Variants in FERMT2 observed in about 807,000 individuals in gnomAD.
FERMT2 encodes the protein fermitin family homolog 2.
FERMT2 carries 15 observed loss-of-function variants against 82.7 expected under a neutral mutation model. The observed-to-expected ratio is 0.18, with a 90% CI of 0.12 to 0.28. The LOEUF is 0.28. Ranked by LOEUF, FERMT2 falls within the 10% of genes least tolerant of loss-of-function variation. The pLI is 1.00. For synonymous variants in FERMT2, 274 were observed against 271.5 expected (o/e 1.01, Z -0.09); for missense variants, 645 against 809.4 (o/e 0.80, Z 2.46).
chr14:52,933,911 T>C (rs17125944), intron 2 of FERMT2, among the ~76,000 whole-genome samples: 13,339 of 152,008 alleles, frequency 0.088, 677 homozygotes, highest in East Asian at 0.21. Flanking sequence ...GTTTCAGATC[T>C]CCTTGATAGG....
At chr14:52,895,370 A>AT (rs1456815681) in intron 3 of FERMT2, among the ~76,000 whole-genome samples, 3 of 152,236 alleles carry the variant, frequency 2.0e-5, no homozygotes, top group African/African-American at 7.2e-5. Flanking sequence ...ACCCAAGAAG[A>AT]TGAAAAGCAC....
chr14:52,922,704 T>C (rs545884982), intron 2 of FERMT2, among the ~76,000 whole-genome samples: 2 of 152,318 alleles, frequency 1.3e-5, no homozygotes, highest in Admixed American at 1.3e-4. Context: ...ATGTGAGGTA[T>C]GAAAAGGACT....
chr14:52,864,631 AAGAAATACTG>A lies in FERMT2; in HGVS notation c.1381-19_1381-10del, dbSNP rs1170502093. On this transcript the variant is annotated splice_polypyrimidine_tract_variant and intron_variant, in intron 11 of 14. Transcript: ENST00000341590. ...TGTGCATACTGTTTTTCCTGGAGAA[AAGAAATACTG>A]ATGTGTGCAATGTATCACGAGGTGG... 6.2e-7 allele frequency: 1 copy of A among 1,612,126 alleles called. No individual in the cohort carries two copies. The highest frequency in any genetic ancestry group is 8.5e-7 in the Non-Finnish European group (1 of 1,178,272).
intron 2 of FERMT2, among the ~76,000 whole-genome samples, chr14:52,950,188 A>C (rs1214174136): frequency 3.3e-5 from 5 of 152,206 alleles, no homozygotes; most frequent in Non-Finnish European, 7.3e-5. Flanking sequence ...TATAATTGGG[A>C]GGCTCGAATC....
chr14:52,907,773 C>T (rs1336164341), intron 3 of FERMT2, among the ~76,000 whole-genome samples: 1 of 151,184 alleles, frequency 6.6e-6, no homozygotes, highest in African/African-American at 2.4e-5. Context: ...AACCACCCCC[C>T]ACCAAAAAAA....
chr14:52,898,623 G>C (rs1887437086), intron 3 of FERMT2, among the ~76,000 whole-genome samples: 1 of 152,280 alleles, frequency 6.6e-6, no homozygotes, highest in Non-Finnish European at 1.5e-5. Flanking sequence ...AGCTTTAAAT[G>C]CCAGTGGGGC....
At chr14:52,944,710 A>C (rs999315038) in intron 2 of FERMT2, among the ~76,000 whole-genome samples, 1 of 152,224 alleles carries the variant, frequency 6.6e-6, no homozygotes, top group African/African-American at 2.4e-5. Flanking sequence ...AGGGATTTTT[A>C]GTGGTAACTT....
At chr14:52,922,693 A>G (rs1174405167) in intron 2 of FERMT2, among the ~76,000 whole-genome samples, 1 of 152,208 alleles carries the variant, frequency 6.6e-6, no homozygotes. Context: ...GAATTTTTAT[A>G]ATGTGAGGTA....
intron 4 of FERMT2, among the ~76,000 whole-genome samples, chr14:52,889,246 T>C (rs1020551728): frequency 2.0e-5 from 3 of 152,230 alleles, no homozygotes; most frequent in South Asian, 2.1e-4. Context: ...TTGTCAGTAA[T>C]AGCAACGTTT....
intron 3 of FERMT2, among the ~76,000 whole-genome samples, chr14:52,901,315 C>T (rs929439229): frequency 9.6e-5 from 13 of 135,826 alleles, no homozygotes; most frequent in African/African-American, 3.5e-4. Flanking sequence ...CAGCATTAAA[C>T]ATAGGAACAG....
At chr14:52,896,999 AACACACACACACAC>A (rs57945447) in intron 3 of FERMT2, among the ~76,000 whole-genome samples, 1,683 of 137,148 alleles carry the variant, frequency 0.012, 21 homozygotes, top group South Asian at 0.03. Flanking sequence ...AAACAAATAA[AACACACACACACAC>A]ACACACACAC....
chr14:52,914,159 TA>T (rs899743183), intron 3 of FERMT2, among the ~76,000 whole-genome samples: 1 of 151,550 alleles, frequency 6.6e-6, no homozygotes, highest in Non-Finnish European at 1.5e-5. Context: ...GCACAGAAGT[TA>T]AAGACCAGCC....
chr14:52,868,510 G>A (rs1289853430), intron 10 of FERMT2, among the ~76,000 whole-genome samples: 1 of 152,142 alleles, frequency 6.6e-6, no homozygotes, highest in Admixed American at 6.5e-5. Context: ...GACTGTAAGT[G>A]GTTCTTCCTT....
At chr14:52,890,205 G>A (rs775397441) in intron 4 of FERMT2, among the ~76,000 whole-genome samples, 1 of 151,888 alleles carries the variant, frequency 6.6e-6, no homozygotes, top group African/African-American at 2.4e-5. Context: ...GGCCGAGGCA[G>A]GTGGATCGAT....
At chr14:52,949,601 G>A (rs1205799531) in intron 2 of FERMT2, among the ~76,000 whole-genome samples, 1 of 151,924 alleles carries the variant, frequency 6.6e-6, no homozygotes, top group Non-Finnish European at 1.5e-5. Flanking sequence ...TCTTCCAGAT[G>A]AAAATGGTTT....
intron 10 of FERMT2, among the ~76,000 whole-genome samples, chr14:52,869,638 T>C (rs1384650524): frequency 6.6e-6 from 1 of 151,928 alleles, no homozygotes; most frequent in African/African-American, 2.4e-5. Flanking sequence ...AAGTAGTACA[T>C]AATACCTGAT....
At position 52,927,590 on chromosome 14, in the gene FERMT2, T is replaced by TAAAAAAAAAAAAA. The variant is rs1566755584; in HGVS notation, c.158-8235_158-8234insTTTTTTTTTTTTT. On this transcript the variant is annotated intron_variant, in intron 2 of 14. Transcript: ENST00000341590. Reference sequence around the variant, plus strand: ...GGGCAACATAGCAAAACCTCATCCCTATAAAAAAAAAAAAAAAAAAAAAAA... The same window carrying TAAAAAAAAAAAAA: ...GGGCAACATAGCAAAACCTCATCCCTAAAAAAAAAAAAAATAAAAAAAAAAAAAAAAAAAAAAA... 1.0e-3 allele frequency among the ~76,000 whole-genome samples: 12 copies of TAAAAAAAAAAAAA among 11,810 alleles called. 1 individual carries two copies. The highest frequency in any genetic ancestry group is 2.8e-3 in the African/African-American group (11 of 3,966). The allele number at this position is 11,810 out of a possible 152,430, so 7.7% of individuals were successfully genotyped here.
chr14:52,902,888 A>C (rs1485051333), intron 3 of FERMT2, among the ~76,000 whole-genome samples: 1 of 139,788 alleles, frequency 7.2e-6, no homozygotes, highest in African/African-American at 2.6e-5. Context: ...AAAAAAAAAA[A>C]AAACCCCAAA....
intron 2 of FERMT2, among the ~76,000 whole-genome samples, chr14:52,938,383 TCTA>T (rs1889945211): frequency 2.0e-5 from 3 of 152,222 alleles, no homozygotes; most frequent in Admixed American, 2.0e-4. Context: ...GTATAGTCAT[TCTA>T]CTAATTATCA....
Sources: gnomAD v4.1 joint callset for allele counts (sites outside exome capture counted in the v4.1 genomes callset) on GRCh38, gnomAD v4.1.1 for gene constraint, MANE v1.5 for transcripts, NCBI Gene and HGNC (gene_info 2026-07-23, HGNC 2026-07-21) for gene names.